Variants in HM13 observed in about 807,000 individuals in gnomAD.
The protein encoded by HM13 is histocompatibility minor 13, also known as signal peptide peptidase.
In HM13, 18 loss-of-function variants were observed where a neutral mutation model predicts 50.0. That is an observed-to-expected ratio of 0.36 (90% CI 0.25 to 0.53). HM13 has a LOEUF of 0.53. Ranked by LOEUF, HM13 falls within the 20% of genes least tolerant of loss-of-function variation. The pLI is 0.90. For synonymous variants in HM13, 197 were observed against 232.6 expected (o/e 0.85, Z 1.39); for missense variants, 393 against 552.4 (o/e 0.71, Z 2.89).
At chr20:31,525,097 G>C (rs547088033) in intron 1 of HM13, among the ~76,000 whole-genome samples, 41 of 152,164 alleles carry the variant, frequency 2.7e-4, no homozygotes, top group Non-Finnish European at 8.8e-5. Context: ...GAAAAGGCTG[G>C]ACAGGTTTAT....
At chr20:31,548,044 A>C in intron 4 of HM13, 1 of 1,573,922 alleles carries the variant, frequency 6.4e-7, no homozygotes, top group Non-Finnish European at 8.7e-7. Context: ...GAAGACATAT[A>C]AATGAGCCTC....
At chr20:31,519,938 C>G (rs1982050438) in intron 1 of HM13, among the ~76,000 whole-genome samples, 1 of 150,494 alleles carries the variant, frequency 6.6e-6, no homozygotes, top group Admixed American at 6.7e-5. Context: ...ACCTCTGCCT[C>G]CTGGGTTCAA....
intron 8 of HM13, among the ~76,000 whole-genome samples, chr20:31,556,234 C>A (rs942936909): frequency 6.6e-6 from 1 of 151,748 alleles, no homozygotes; most frequent in Non-Finnish European, 1.5e-5. Flanking sequence ...GATGGAGTTT[C>A]TTCATGTTGG....
chr20:31,551,547 A>T (rs1208968456), intron 7 of HM13, among the ~76,000 whole-genome samples: 2 of 152,238 alleles, frequency 1.3e-5, no homozygotes, highest in East Asian at 3.9e-4. Flanking sequence ...GGGGATAGGA[A>T]ACATGATTGG....
intron 3 of HM13, chr20:31,539,027 C>T: frequency 1.0e-6 from 1 of 958,948 alleles, no homozygotes; most frequent in Non-Finnish European, 1.2e-6. Flanking sequence ...GCAACAGAGC[C>T]AGGATTCAAA....
intron 1 of HM13, among the ~76,000 whole-genome samples, chr20:31,516,421 AGGAATTCG>A (rs745862538): frequency 5.8e-4 from 88 of 152,308 alleles, no homozygotes; most frequent in Non-Finnish European, 1.1e-3. Flanking sequence ...CCTGTCACCA[AGGAATTCG>A]GGAGCGTAGG....
chr20:31,557,217 TC>T (rs1462559214), intron 8 of HM13, among the ~76,000 whole-genome samples: 1 of 152,152 alleles, frequency 6.6e-6, no homozygotes, highest in Non-Finnish European at 1.5e-5. Flanking sequence ...GAGACTTGCT[TC>T]CCCAGTAGAA....
intron 8 of HM13, among the ~76,000 whole-genome samples, chr20:31,558,191 G>A (rs916294494): frequency 6.6e-6 from 1 of 152,166 alleles, no homozygotes; most frequent in Admixed American, 6.5e-5. Flanking sequence ...CAGAACCATT[G>A]CTTACAATTG....
intron 6 of HM13, 37 bp downstream of exon 6, chr20:31,549,369 G>A (rs150774698): frequency 3.7e-5 from 59 of 1,612,850 alleles, no homozygotes; most frequent in East Asian, 3.6e-4. Context: ...GTCTGGCTCC[G>A]GGGCCATCTC....
intron 2 of HM13, chr20:31,535,745 G>A (rs112646117): frequency 6.6e-6 from 1 of 152,196 alleles, no homozygotes; most frequent in Non-Finnish European, 1.5e-5. Context: ...CTGGGTACTG[G>A]GGATACTGAA....
intron 8 of HM13, among the ~76,000 whole-genome samples, chr20:31,558,913 T>C (rs1183061252): frequency 6.6e-6 from 1 of 150,936 alleles, no homozygotes; most frequent in African/African-American, 2.4e-5. Context: ...TTTTTTGTTG[T>C]TGTTTTGTTT....
intron 3 of HM13, among the ~76,000 whole-genome samples, chr20:31,542,101 G>A (rs1194511773): frequency 6.6e-6 from 1 of 152,248 alleles, no homozygotes; most frequent in African/African-American, 2.4e-5. Context: ...CACCCGAGCT[G>A]TGACAGCACA....
At chr20:31,521,876 T>C (rs1018769080) in intron 1 of HM13, among the ~76,000 whole-genome samples, 1 of 138,300 alleles carries the variant, frequency 7.2e-6, no homozygotes, top group Non-Finnish European at 1.5e-5. Context: ...TTTTTTTTAA[T>C]GGAGGCAGAG....
intron 3 of HM13, among the ~76,000 whole-genome samples, chr20:31,543,328 C>T (rs1390668851): frequency 1.3e-5 from 2 of 152,174 alleles, no homozygotes; most frequent in Non-Finnish European, 2.9e-5. Flanking sequence ...CTGTGTCGCC[C>T]AGGCTGGAGT....
chr20:31,547,805 C>G (rs1174389733), intron 4 of HM13: 1 of 954,474 alleles, frequency 1.0e-6, no homozygotes, highest in African/African-American at 1.6e-5. Flanking sequence ...GATAAAGGAG[C>G]TATCAAATTT....
In HM13 at chr20:31,543,913, G is replaced by A. The variant is rs557740459; in HGVS notation, c.366-1034G>A. Reference sequence around the variant, plus strand: ...CGCGCCACTGCATTCCAGCCTGGGCGACAGAGTGAGACTCCATCTCAAAAA... The same window carrying A: ...CGCGCCACTGCATTCCAGCCTGGGCAACAGAGTGAGACTCCATCTCAAAAA... On this transcript the variant is annotated intron_variant, in intron 3 of 12. Coordinates refer to ENST00000398174, the MANE Select transcript of HM13 (RefSeq NM_178581.3). 9.2e-4 allele frequency among the ~76,000 whole-genome samples: 140 copies of A among 151,742 alleles called. 2 individuals are homozygous for A. The highest frequency in any genetic ancestry group is 3.2e-3 in the African/African-American group (133 of 41,382).
At chr20:31,559,377 G>A (rs949505308) in intron 8 of HM13, among the ~76,000 whole-genome samples, 6 of 152,118 alleles carry the variant, frequency 3.9e-5, no homozygotes, top group Non-Finnish European at 8.8e-5. Context: ...AGTATGATGC[G>A]GTGAGGTGCT....
At chr20:31,517,469 C>G (rs1176331256) in intron 1 of HM13, among the ~76,000 whole-genome samples, 4 of 152,150 alleles carry the variant, frequency 2.6e-5, no homozygotes, top group Non-Finnish European at 5.9e-5. Flanking sequence ...AGGCTCTGGG[C>G]TGGGTACCAG....
At chr20:31,547,968 T>A (rs1983817922) in intron 4 of HM13, 1 of 1,546,796 alleles carries the variant, frequency 6.5e-7, no homozygotes, top group Non-Finnish European at 8.9e-7. Flanking sequence ...CAGAAGATAT[T>A]GAGAAAGTCA....
Sources: gnomAD v4.1 joint callset for allele counts (sites outside exome capture counted in the v4.1 genomes callset) on GRCh38, gnomAD v4.1.1 for gene constraint, MANE v1.5 for transcripts, NCBI Gene and HGNC (gene_info 2026-07-23, HGNC 2026-07-21) for gene names.